Variants in KIAA1210 observed in about 807,000 individuals in gnomAD.
KIAA1210 encodes KIAA1210.
KIAA1210 carries 48 observed loss-of-function variants against 78.9 expected under a neutral mutation model. The ratio of observed to expected loss-of-function variants is 0.61; its 90% confidence interval spans 0.48 to 0.77. The LOEUF (loss-of-function observed/expected upper bound fraction) is 0.77, where lower values mean the gene tolerates loss of function less well. Ranked by LOEUF, KIAA1210 falls within the 30% of genes least tolerant of loss-of-function variation. The pLI is 0.00. For missense variants in KIAA1210, 1,108 were observed against 1,100.0 expected (o/e 1.01, Z -0.10); for synonymous variants, 406 against 404.5 (o/e 1.00, Z -0.04).
rs189303879 is a variant in KIAA1210, at chrX:119,142,370, C to T, written c.410+5103G>A. 2.3e-3 allele frequency among the ~76,000 whole-genome samples: 259 copies of T among 111,898 alleles called. 3 individuals are homozygous for T. Among genetic ancestry groups the T allele is most frequent in the Non-Finnish European group, 3.4e-3 (183 of 53,183 alleles). ...AATTTAAAAAGAAAAGACTTTGATT[C>T]GGCTTATCATTCTGCAGCCTGTACA... On this transcript the variant is annotated intron_variant, in intron 2 of 13. Transcript: ENST00000402510.
At chrX:119,103,148 G>A (rs983158452) in intron 6 of KIAA1210, among the ~76,000 whole-genome samples, 1 of 111,718 alleles carries the variant, frequency 9.0e-6, no homozygotes, top group Non-Finnish European at 1.9e-5. Flanking sequence ...GCACAGACCT[G>A]CCTCCCAGGT....
At chrX:119,113,983 G>A (rs1259212240) in intron 3 of KIAA1210, among the ~76,000 whole-genome samples, 1 of 111,701 alleles carries the variant, frequency 9.0e-6, no homozygotes, top group Non-Finnish European at 1.9e-5. Flanking sequence ...AATTGGTACA[G>A]GGTTTCTTTT....
At chrX:119,107,589 A>G (rs1031906031) in intron 5 of KIAA1210, among the ~76,000 whole-genome samples, 1 of 112,380 alleles carries the variant, frequency 8.9e-6, no homozygotes, top group Non-Finnish European at 1.9e-5. Flanking sequence ...TAGGGTCAAC[A>G]CCATTAGTGT....
intron 2 of KIAA1210, among the ~76,000 whole-genome samples, chrX:119,139,838 C>T (rs1929006427): frequency 8.9e-6 from 1 of 111,883 alleles, no homozygotes; most frequent in Admixed American, 9.5e-5. Flanking sequence ...TTCTAATAAA[C>T]ACCTCTAAGA....
chrX:119,088,381 G>A lies in KIAA1210; in HGVS notation c.2321C>T (p.Pro774Leu). The change falls in exon 9 of 12, where the codon CCT becomes CTT. Residue 774 changes from proline to leucine, a missense_variant. Pro to Leu is a moderately conservative substitution (Grantham distance 98). Transcript: ENST00000691062. Reference sequence around the variant, plus strand: ...TTTAGGGTTCACCCATGGCTGGAAAGGGTGTCTTGGAGGGATTGGCTCCAC... The same window carrying A: ...TTTAGGGTTCACCCATGGCTGGAAAAGGTGTCTTGGAGGGATTGGCTCCAC... Reference protein sequence around the residue: ...DSVEPIPPRHPFQPWVNPKVE... With the variant: ...DSVEPIPPRHLFQPWVNPKVE... 1 of 1,211,153 alleles carries A rather than the reference G, an allele frequency of 8.3e-7. No homozygotes were observed. The highest frequency in any genetic ancestry group is 1.1e-6 in the Non-Finnish European group (1 of 895,232).
intron 2 of KIAA1210, among the ~76,000 whole-genome samples, chrX:119,135,958 G>T (rs1016555142): frequency 2.0e-4 from 22 of 111,013 alleles, no homozygotes; most frequent in African/African-American, 7.2e-4. Flanking sequence ...GGAGGCTGAG[G>T]CAGAGAATAG....
intron 5 of KIAA1210, among the ~76,000 whole-genome samples, chrX:119,107,710 G>C (rs914743244): frequency 8.9e-6 from 1 of 111,915 alleles, no homozygotes; most frequent in Admixed American, 9.5e-5. Flanking sequence ...CTTACCTTTT[G>C]CCAAATGGAA....
chrX:119,109,157 G>A lies in KIAA1210; in HGVS notation c.276C>T (p.Ile92=). 1 of 1,207,307 alleles carries A rather than the reference G, an allele frequency of 8.3e-7. No homozygotes were observed. Among genetic ancestry groups the A allele is most frequent in the Non-Finnish European group, 1.1e-6 (1 of 892,715 alleles). Residue 92 remains isoleucine, a synonymous_variant, in exon 4 of 12, where the codon ATC becomes ATT. Coordinates refer to ENST00000691062, the MANE Select transcript of KIAA1210 (RefSeq NM_001394962.1). ...MGSKALSHDS[I]FMLGPEPERS... The stretch of plus-strand genomic sequence containing the variant: ...TTTCAGGCTCAGGACCCAACATGAA[G>A]ATGCTATCATGGGATAGGGCTTTGC...
rs757216013 is a variant in KIAA1210 at position 119,111,452 on chromosome X, G to A, written c.231-2250C>T. On this transcript the variant is annotated intron_variant, in intron 3 of 11. Transcript: ENST00000691062. ...AAAAAATGATGAGCTCATGCCCTTT[G>A]CAGGGACATGGATGAAGCTGGAAAC... Among the ~76,000 whole-genome samples the A allele has an allele frequency of 2.7e-5, 3 of 111,528 alleles. No homozygotes were observed. In the South Asian group the frequency reaches 1.2e-3, roughly 43 times the overall value.
rs1299645314 is a variant in KIAA1210 at position 119,089,131 on chromosome X, A to G, written c.1571T>C (p.Ile524Thr). 1 of 1,211,715 alleles carries G rather than the reference A, an allele frequency of 8.3e-7. No homozygotes were observed. Among genetic ancestry groups the G allele is most frequent in the Non-Finnish European group, 1.1e-6 (1 of 895,322 alleles). The change falls in exon 9 of 12, where the codon ATC becomes ACC. Residue 524 changes from isoleucine to threonine, a missense_variant. By Grantham distance (89) the Ile-to-Thr change is moderately conservative. Coordinates refer to ENST00000691062, the MANE Select transcript of KIAA1210 (RefSeq NM_001394962.1). Reference protein sequence around the residue: ...EAQVFMNPSHIQLEDQEAFSF... With the variant: ...EAQVFMNPSHTQLEDQEAFSF... ...GAAAGCTTCTTGATCTTCTAACTGGATATGAGAAGGATTCATAAACACCTG... is the reference window on the plus strand; with the variant it reads ...GAAAGCTTCTTGATCTTCTAACTGGGTATGAGAAGGATTCATAAACACCTG...
intron 3 of KIAA1210, among the ~76,000 whole-genome samples, chrX:119,109,412 T>G (rs1928001684): frequency 8.9e-6 from 1 of 112,057 alleles, no homozygotes; most frequent in Non-Finnish European, 1.9e-5. Context: ...TAGTTCATAT[T>G]CAAAGAAAAA....
At chrX:119,119,919 T>C (rs1178952620) in intron 2 of KIAA1210, among the ~76,000 whole-genome samples, 1 of 97,766 alleles carries the variant, frequency 1.0e-5, no homozygotes, top group Non-Finnish European at 2.0e-5. Flanking sequence ...GAGCTTGCAG[T>C]GAGCCCAGAT....
At chrX:119,115,127 A>C (rs1354467193) in intron 3 of KIAA1210, among the ~76,000 whole-genome samples, 1 of 111,458 alleles carries the variant, frequency 9.0e-6, no homozygotes, top group Admixed American at 9.5e-5. Context: ...GACATTTTCC[A>C]GGGTTTCTTC....
intron 8 of KIAA1210, among the ~76,000 whole-genome samples, chrX:119,092,673 A>T (rs1927412644): frequency 9.1e-6 from 1 of 109,507 alleles, no homozygotes. Context: ...AGGCAGGAGA[A>T]TTGCTTGAAC....
chrX:119,092,190 C>T (rs1388607110), intron 8 of KIAA1210, among the ~76,000 whole-genome samples: 1 of 111,918 alleles, frequency 8.9e-6, no homozygotes, highest in Non-Finnish European at 1.9e-5. Context: ...TCAGGTCAAG[C>T]ACAAGGTAGT....
rs1448073951 is a variant in KIAA1210 at position 119,126,883 on chromosome X, C to A, written c.-11+844G>T. Reference sequence around the variant, plus strand: ...CCCAGGGCTTTGAGACCAGCCTGGGCAACATGGCAAAACCCCATCTCTAGA... The same window carrying A: ...CCCAGGGCTTTGAGACCAGCCTGGGAAACATGGCAAAACCCCATCTCTAGA... On this transcript the variant is annotated intron_variant, in intron 1 of 11. Transcript: ENST00000691062. Among the ~76,000 whole-genome samples, 6 of 111,477 alleles carry A rather than the reference C, an allele frequency of 5.4e-5. No homozygotes were observed. In the Admixed American group the frequency reaches 5.7e-4, roughly 11 times the overall value.
At position 119,086,863 on chromosome X, in the gene KIAA1210, C is replaced by A. The variant is rs767043476; in HGVS notation, c.3839G>T (p.Gly1280Val). Residue 1280 changes from glycine to valine, a missense_variant, in exon 9 of 12, where the codon GGT (glycine) becomes GTT (valine). Transcript: ENST00000691062. ...TGCATGCTGGTTATTATTACCATCA[C>A]CACTCTCAAGATCTTCTTTCTTAGA... The part of the protein sequence containing the change: ...IYSKKEDLES[G>V]DGNNNQHANL... 1 of 1,209,733 alleles carries A rather than the reference C, an allele frequency of 8.3e-7. No homozygotes were observed. Among genetic ancestry groups the A allele is most frequent in the African/African-American group, 1.7e-5 (1 of 57,147 alleles).
Position 119,089,663 on chromosome X carries a change from G to A in KIAA1210, c.1039C>T (p.Arg347Trp), listed in dbSNP as rs201877365. ...GCTGACATTGGATAGCCCTGACTCCGAGAAGCATCAGTGTTTGGAGCCTGG... is the reference window on the plus strand; with the variant it reads ...GCTGACATTGGATAGCCCTGACTCCAAGAAGCATCAGTGTTTGGAGCCTGG... ...TDQAPNTDAS[R>W]SQGYPMSAAY... The change falls in exon 9 of 12, where the codon CGG becomes TGG. Residue 347 changes from arginine to tryptophan, a missense_variant. Physicochemically the swap from Arg to Trp is moderately radical, Grantham distance 101 (BLOSUM62 -3). Transcript: ENST00000691062. The A allele has an allele frequency of 9.3e-5, 113 of 1,209,199 alleles. No homozygotes were observed. The highest frequency in any genetic ancestry group is 6.3e-4 in the African/African-American group (36 of 57,049).
rs1927988990 is a variant in KIAA1210, at chrX:119,109,078, G to A, written c.355C>T (p.Gln119Ter). 8.3e-7 allele frequency: 1 copy of A among 1,207,214 alleles called. No homozygotes were observed. Residue 119 changes from glutamine (Q) to a stop codon, truncating the protein, a stop_gained and splice_region_variant, in exon 4 of 12, where the codon CAG (glutamine) becomes TAG (stop). Coordinates refer to ENST00000691062, the MANE Select transcript of KIAA1210 (RefSeq NM_001394962.1). LOFTEE classifies it high-confidence loss of function. ...CTGATGCTCGAGTCCACTATTACCT[G>A]CTGAGGTCTGCCTCTCTGGGGATCC... Reference protein sequence around the residue: ...SMDPQRGRPQQRSHISRTLPK... With the variant: ...SMDPQRGRPQ
Sources: allele counts gnomAD v4.1 joint callset (sites outside exome capture counted in the v4.1 genomes callset), GRCh38; gene constraint gnomAD v4.1.1; transcripts MANE v1.5; gene names NCBI Gene and HGNC (gene_info 2026-07-23, HGNC 2026-07-21).